The following CSMD1 variants were observed in gnomAD, a reference collection of about 807,000 sequenced individuals.
CSMD1 encodes CUB and sushi domain-containing protein 1.
Under a neutral mutation model 417.5 loss-of-function variants are expected in CSMD1, and 213 were observed. The ratio of observed to expected loss-of-function variants is 0.51; its 90% confidence interval spans 0.46 to 0.57. The LOEUF is 0.57. Ranked by LOEUF, CSMD1 falls within the 20% of genes least tolerant of loss-of-function variation. The pLI is 0.00. For synonymous variants in CSMD1, 2,862 were observed against 1,736.8 expected, an observed-to-expected ratio of 1.65 and a Z score of -16.11; for missense variants, 6,923 against 4,529.7, an observed-to-expected ratio of 1.53 and a Z score of -15.17.
intron 25 of CSMD1, among the ~76,000 whole-genome samples, chr8:3,304,905 G>A (rs972559622): frequency 1.2e-4 from 18 of 151,970 alleles, no homozygotes; most frequent in Admixed American, 1.2e-3. Flanking sequence ...TCTAAAAGAA[G>A]ATAAATTATT....
chr8:4,087,595 T>G (rs1256774333), intron 3 of CSMD1, among the ~76,000 whole-genome samples: 5 of 152,094 alleles, frequency 3.3e-5, no homozygotes, highest in Non-Finnish European at 7.4e-5. Context: ...CTGTCTAACT[T>G]TCTGTCTCTC....
intron 7 of CSMD1, among the ~76,000 whole-genome samples, chr8:3,629,315 T>C (rs369201864): frequency 1.3e-5 from 2 of 151,936 alleles, no homozygotes; most frequent in African/African-American, 4.8e-5. Flanking sequence ...TAATATTATT[T>C]TCTTTCACTG....
chr8:3,719,414 A>C (rs1352447835), intron 6 of CSMD1, among the ~76,000 whole-genome samples: 8 of 152,148 alleles, frequency 5.3e-5, no homozygotes, highest in Non-Finnish European at 1.2e-4. Context: ...CTAAAAGTCT[A>C]GTTTCTCATT....
intron 5 of CSMD1, among the ~76,000 whole-genome samples, chr8:3,849,841 A>T (rs1340197297): frequency 7.3e-6 from 1 of 137,816 alleles, no homozygotes; most frequent in Non-Finnish European, 1.6e-5. Context: ...TTTGTGATGG[A>T]GTCTCGCTCT....
At chr8:3,536,778 A>T (rs1798218519) in intron 10 of CSMD1, among the ~76,000 whole-genome samples, 1 of 152,148 alleles carries the variant, frequency 6.6e-6, no homozygotes, top group Non-Finnish European at 1.5e-5. Context: ...GAAGGGACTA[A>T]GTCATCTCTT....
At chr8:4,746,985 C>T (rs547605092) in intron 1 of CSMD1, among the ~76,000 whole-genome samples, 2 of 152,228 alleles carry the variant, frequency 1.3e-5, no homozygotes, top group Admixed American at 1.3e-4. Flanking sequence ...GGAATAATTT[C>T]TCAAGCAGGG....
At chr8:3,332,380 C>G (rs1322697548) in intron 23 of CSMD1, among the ~76,000 whole-genome samples, 1 of 152,230 alleles carries the variant, frequency 6.6e-6, no homozygotes, top group African/African-American at 2.4e-5. Context: ...CTCCAGACAT[C>G]TCTGAGTCTC....
chr8:3,284,405 A>G (rs1209560388), intron 25 of CSMD1, 59 bp from the exon 26 acceptor site: 2 of 1,317,768 alleles, frequency 1.5e-6, no homozygotes, highest in Non-Finnish European at 2.2e-6. Context: ...CTGACCCCAT[A>G]GCTGTAAAGT....
intron 4 of CSMD1, 144 bp from the exon 5 acceptor site, chr8:3,998,254 G>T: frequency 1.5e-6 from 1 of 669,764 alleles, no homozygotes; most frequent in Non-Finnish European, 2.5e-6. Context: ...AGAATCTTTT[G>T]GTATGTTAAT....
At chr8:4,076,280 C>T (rs994217465) in intron 3 of CSMD1, among the ~76,000 whole-genome samples, 5 of 152,184 alleles carry the variant, frequency 3.3e-5, no homozygotes, top group Non-Finnish European at 7.3e-5. Context: ...AATATGTTTG[C>T]TTCTCCCTCT....
intron 7 of CSMD1, among the ~76,000 whole-genome samples, chr8:3,648,498 G>A (rs1454394505): frequency 1.3e-5 from 2 of 152,188 alleles, no homozygotes; most frequent in African/African-American, 2.4e-5. Context: ...AGTGACTGCT[G>A]AGATTTTGGA....
chr8:4,225,031 G>T (rs1355647542), intron 3 of CSMD1, among the ~76,000 whole-genome samples: 1 of 152,168 alleles, frequency 6.6e-6, no homozygotes, highest in African/African-American at 2.4e-5. Flanking sequence ...ACAATCGCTT[G>T]AACCCTAGAG....
intron 3 of CSMD1, among the ~76,000 whole-genome samples, chr8:4,059,777 G>C (rs1192662432): frequency 1.3e-5 from 2 of 151,792 alleles, no homozygotes; most frequent in Non-Finnish European, 1.5e-5. Flanking sequence ...CCAATAACAG[G>C]AGCTGCAATT....
chr8:3,601,713 A>C lies in CSMD1; in HGVS notation c.1097+14997T>G, dbSNP rs373938675. ...AGAAGAGTTATCAACTATAGGAACA[A>C]TATTAAAGCAGTGAACATTGAATAA... On this transcript the variant is annotated intron_variant, in intron 8 of 69. Transcript: ENST00000635120. Among the ~76,000 whole-genome samples the C allele has an allele frequency of 1.5e-3, 222 of 152,326 alleles. 1 individual carries two copies. Among genetic ancestry groups the C allele is most frequent in the African/African-American group, 5.0e-3 (207 of 41,570 alleles).
chr8:3,390,459 G>C (rs1291553273), intron 17 of CSMD1, among the ~76,000 whole-genome samples: 1 of 150,674 alleles, frequency 6.6e-6, no homozygotes, highest in Non-Finnish European at 1.5e-5. Context: ...GACACAGGTA[G>C]CCAATTTACC....
At chr8:4,325,489 G>C (rs190947624) in intron 3 of CSMD1, among the ~76,000 whole-genome samples, 1 of 152,284 alleles carries the variant, frequency 6.6e-6, no homozygotes, top group Non-Finnish European at 1.5e-5. Flanking sequence ...TCCTGTGGCT[G>C]AAGTTTGTCT....
chr8:3,489,775 G>C (rs932578044), intron 11 of CSMD1, among the ~76,000 whole-genome samples: 1 of 152,200 alleles, frequency 6.6e-6, no homozygotes, highest in Non-Finnish European at 1.5e-5. Flanking sequence ...TATAGTTTTA[G>C]GCTATTTCAT....
chr8:3,244,390 C>T (rs191329624), intron 26 of CSMD1, among the ~76,000 whole-genome samples: 35 of 152,266 alleles, frequency 2.3e-4, no homozygotes, highest in Non-Finnish European at 4.1e-4. Context: ...CCCCATTACC[C>T]TGGAGAGCAA....
chr8:3,604,922 T>C (rs533154550), intron 8 of CSMD1, among the ~76,000 whole-genome samples: 1 of 152,210 alleles, frequency 6.6e-6, no homozygotes. Flanking sequence ...ACACTTTTCA[T>C]AATAAAATTT....
Sources: allele counts gnomAD v4.1 joint callset (sites outside exome capture counted in the v4.1 genomes callset), GRCh38; gene constraint gnomAD v4.1.1; transcripts MANE v1.5; gene names NCBI Gene and HGNC (gene_info 2026-07-23, HGNC 2026-07-21).